Variants in GPM6B observed in about 807,000 individuals in gnomAD.
GPM6B encodes neuronal membrane glycoprotein M6-b.
A neutral mutation model predicts 27.2 loss-of-function variants in GPM6B; 4 were observed. The ratio of observed to expected loss-of-function variants is 0.15; its 90% confidence interval spans 0.07 to 0.34. GPM6B has a LOEUF of 0.34. Among genes scored for constraint, GPM6B ranks in the 10% least tolerant of loss-of-function variants. The pLI is 1.00. For missense variants in GPM6B, 183 were observed against 261.9 expected (o/e 0.70, Z 2.08); for synonymous variants, 124 against 103.1 (o/e 1.20, Z -1.23).
chrX:13,822,744 G>A (rs1034756067), intron 1 of GPM6B, among the ~76,000 whole-genome samples: 35 of 110,964 alleles, frequency 3.2e-4, no homozygotes, highest in South Asian at 3.8e-4. Flanking sequence ...CAAATACATC[G>A]GCCCTCTGTC....
intron 2 of GPM6B, among the ~76,000 whole-genome samples, chrX:13,803,539 T>C (rs748242527): frequency 5.3e-5 from 6 of 112,205 alleles, no homozygotes; most frequent in Non-Finnish European, 1.1e-4. Context: ...TGGTGATATG[T>C]GAAGTGGGTG....
chrX:13,827,498 C>T (rs373627607), intron 1 of GPM6B, among the ~76,000 whole-genome samples: 11 of 110,742 alleles, frequency 9.9e-5, no homozygotes, highest in African/African-American at 3.3e-4. Flanking sequence ...GTTATAAATG[C>T]AAGCCTCCCT....
chrX:13,856,707 A>AT (rs397933313), intron 1 of GPM6B, among the ~76,000 whole-genome samples: 39,858 of 96,363 alleles, frequency 0.41, 7,449 homozygotes, highest in Non-Finnish European at 0.53. Flanking sequence ...TTTTTTTATT[A>AT]TTTTTTTTTT....
intron 2 of GPM6B, among the ~76,000 whole-genome samples, chrX:13,794,365 C>T (rs968408680): frequency 9.0e-6 from 1 of 110,594 alleles, no homozygotes; most frequent in Non-Finnish European, 1.9e-5. Context: ...CTCGGGACTT[C>T]ATTAAAACGC....
At chrX:13,863,185 A>G (rs998991018) in intron 1 of GPM6B, among the ~76,000 whole-genome samples, 1 of 111,948 alleles carries the variant, frequency 8.9e-6, no homozygotes, top group Non-Finnish European at 1.9e-5. Context: ...CATATTCCAT[A>G]AATAATTTCA....
chrX:13,830,465 T>G (rs925771221), intron 1 of GPM6B, among the ~76,000 whole-genome samples: 1 of 112,415 alleles, frequency 8.9e-6, no homozygotes, highest in African/African-American at 3.2e-5. Flanking sequence ...CCTTTTCCTT[T>G]CAGTTCTTCC....
intron 1 of GPM6B, among the ~76,000 whole-genome samples, chrX:13,900,429 C>T (rs1451229250): frequency 1.8e-5 from 2 of 110,844 alleles, no homozygotes; most frequent in Non-Finnish European, 1.9e-5. Flanking sequence ...GAGGGTTACC[C>T]GAAATTGGAG....
chrX:13,822,389 G>A (rs62587481), intron 1 of GPM6B, among the ~76,000 whole-genome samples: 40,172 of 107,837 alleles, frequency 0.37, 6,716 homozygotes, highest in Non-Finnish European at 0.52. Flanking sequence ...TTTCTGAGAC[G>A]GAGTCTCGCG....
At chrX:13,800,953 A>T (rs965886817) in intron 2 of GPM6B, among the ~76,000 whole-genome samples, 2 of 109,248 alleles carry the variant, frequency 1.8e-5, no homozygotes, top group Non-Finnish European at 3.8e-5. Flanking sequence ...GGGACTACAG[A>T]TGTGTGCCAC....
intron 4 of GPM6B, 49 bp from the exon 5 acceptor site, chrX:13,780,038 T>C: frequency 7.7e-6 from 8 of 1,043,498 alleles, no homozygotes; most frequent in Non-Finnish European, 1.0e-5. Context: ...CAGGTAGATG[T>C]GTGTCCCCTA....
chrX:13,938,576 C>T, upstream of GPM6B: 4 of 680,123 alleles, frequency 5.9e-6, no homozygotes, highest in Non-Finnish European at 7.8e-6. Context: ...CGGGCAGAGC[C>T]GGTGGCACAA....
At chrX:13,912,087 C>T (rs528755521) in intron 1 of GPM6B, among the ~76,000 whole-genome samples, 1 of 111,979 alleles carries the variant, frequency 8.9e-6, no homozygotes, top group Non-Finnish European at 1.9e-5. Flanking sequence ...CTTTGTCCTA[C>T]CACTATTTTC....
Position 13,804,329 on chromosome X carries a change from CTT to C in GPM6B, c.181+3319_181+3320del, listed in dbSNP as rs769626236. On this transcript the variant is annotated intron_variant, in intron 2 of 7. Coordinates refer to ENST00000316715, the MANE Select transcript of GPM6B (RefSeq NM_001001995.3). ...AGCACAATATGCCACTGACTGGAGA[CTT>C]AGCATGAACTACTCCCTGCTTCATC... Among the ~76,000 whole-genome samples, 4 of 105,680 alleles carry C rather than the reference CTT, an allele frequency of 3.8e-5. No individual in the cohort carries two copies. The South Asian group carries it at 1.3e-3, about 34-fold the overall frequency. The allele number at this position is 105,680 out of a possible 115,157, so 91.8% of individuals were successfully genotyped here.
intron 1 of GPM6B, among the ~76,000 whole-genome samples, chrX:13,931,651 T>G (rs1273620911): frequency 8.9e-6 from 1 of 111,842 alleles, no homozygotes; most frequent in African/African-American, 3.3e-5. Context: ...ATACTTCCCT[T>G]CCTTCTCAAA....
intron 1 of GPM6B, among the ~76,000 whole-genome samples, chrX:13,932,246 A>G (rs1178166686): frequency 9.0e-6 from 1 of 111,057 alleles, no homozygotes; most frequent in African/African-American, 3.3e-5. Context: ...CTGCTTTTAC[A>G]CATTTGTATC....
intron 1 of GPM6B, among the ~76,000 whole-genome samples, chrX:13,852,773 CTT>C (rs386416656): frequency 4.5e-5 from 4 of 88,995 alleles, no homozygotes; most frequent in Non-Finnish European, 4.3e-5. Flanking sequence ...ACAACAAAAA[CTT>C]TTTTTTTTTT....
At position 13,817,053 on chromosome X, in the gene GPM6B, C is replaced by G; in HGVS notation, c.-149G>C. The G allele has an allele frequency of 9.5e-7, 1 of 1,052,709 alleles. No homozygotes were observed. Among genetic ancestry groups the G allele is most frequent in the Admixed American group, 4.1e-5 (1 of 24,480 alleles). 86.8% of individuals were successfully genotyped at this position (1,052,709 alleles called of 1,213,427 possible). On this transcript the variant is annotated 5_prime_UTR_variant, in exon 1 of 8. Transcript: ENST00000316715. ...TCTTCACTACAGTAGATTACAGTCC[C>G]TTCCAAGATGCAAAAGTCTTGTCAG... is the stretch of plus-strand genomic sequence containing the variant.
At chrX:13,824,029 G>T (rs777906886) in intron 1 of GPM6B, among the ~76,000 whole-genome samples, 25 of 111,940 alleles carry the variant, frequency 2.2e-4, no homozygotes, top group Non-Finnish European at 4.3e-4. Flanking sequence ...AGTCAAGGTC[G>T]GTATTGCTGC....
intron 1 of GPM6B, among the ~76,000 whole-genome samples, chrX:13,844,024 T>C (rs1012791089): frequency 1.8e-5 from 2 of 112,413 alleles, no homozygotes; most frequent in East Asian, 2.8e-4. Flanking sequence ...AACAGTTTTA[T>C]AATTTTAGTT....
Sources: gnomAD v4.1 joint callset for allele counts (sites outside exome capture counted in the v4.1 genomes callset) on GRCh38, gnomAD v4.1.1 for gene constraint, MANE v1.5 for transcripts, NCBI Gene and HGNC (gene_info 2026-07-23, HGNC 2026-07-21) for gene names.